The following LDLRAD4 variants were observed in gnomAD, a reference collection of about 807,000 sequenced individuals.
LDLRAD4 encodes low density lipoprotein receptor class A domain containing 4, also known as low-density lipoprotein receptor class A domain-containing protein 4.
LDLRAD4 carries 5 observed loss-of-function variants against 17.0 expected under a neutral mutation model. The ratio of observed to expected loss-of-function variants is 0.29; its 90% CI spans 0.15 to 0.62. The LOEUF is 0.62. Among genes scored for constraint, LDLRAD4 ranks in the 20% least tolerant of loss-of-function variants. The pLI, the probability that LDLRAD4 is intolerant of heterozygous loss-of-function variation, is 0.84. For missense variants in LDLRAD4, 340 were observed against 424.7 expected, an observed-to-expected ratio of 0.80 and a Z score of 1.75; for synonymous variants, 168 against 171.8, an observed-to-expected ratio of 0.98 and a Z score of 0.17.
chr18:13,554,830 C>T (rs1011132202), intron 3 of LDLRAD4, among the ~76,000 whole-genome samples: 3 of 152,096 alleles, frequency 2.0e-5, no homozygotes, highest in Admixed American at 6.5e-5. Flanking sequence ...TCCTGACATG[C>T]GGACTGTGCA....
chr18:13,227,645 G>A (rs1360626110), intron 1 of LDLRAD4, among the ~76,000 whole-genome samples: 1 of 152,216 alleles, frequency 6.6e-6, no homozygotes, highest in Non-Finnish European at 1.5e-5. Context: ...ACAGTTCCAC[G>A]TGGCTGAGGA....
chr18:13,312,632 C>T (rs889186061), intron 1 of LDLRAD4, among the ~76,000 whole-genome samples: 2 of 152,102 alleles, frequency 1.3e-5, no homozygotes, highest in African/African-American at 2.4e-5. Context: ...GTCCTAGCTA[C>T]TGAGGAGGCT....
At chr18:13,387,675 C>T (rs764309263) in exon 2 of LDLRAD4, 15 of 1,597,102 alleles carry the variant, frequency 9.4e-6, no homozygotes, top group East Asian at 2.2e-5. Flanking sequence ...GCGGCTTCCT[C>T]GACGGGACAG....
chr18:13,244,306 GCACCCATTCATC>G (rs2042849822), intron 1 of LDLRAD4, among the ~76,000 whole-genome samples: 1 of 148,236 alleles, frequency 6.7e-6, no homozygotes, highest in Non-Finnish European at 1.5e-5. Flanking sequence ...ATCCATTCAT[GCACCCATTCATC>G]CACCCATCCA....
Position 13,438,072 on chromosome 18 carries a change from G to T in LDLRAD4, c.41-172G>T, listed in dbSNP as rs116605347. 6.8e-3 allele frequency among the ~76,000 whole-genome samples: 1,037 copies of T among 152,310 alleles called. 11 individuals are homozygous for T. The highest frequency in any genetic ancestry group is 0.023 in the African/African-American group (976 of 41,560). On this transcript the variant is annotated intron_variant, in intron 2 of 5. Coordinates refer to ENST00000359446, the Ensembl canonical transcript of LDLRAD4. The stretch of plus-strand genomic sequence containing the variant: ...ATCCTGTGTGTTTCAGACGAGGAAG[G>T]TCCTTACCCAGATGGCCCTTCTCTG...
chr18:13,370,442 A>G (rs982144714), intron 1 of LDLRAD4, among the ~76,000 whole-genome samples: 1 of 152,156 alleles, frequency 6.6e-6, no homozygotes, highest in Non-Finnish European at 1.5e-5. Context: ...TAAAGACGTT[A>G]TTTAAATCTA....
At chr18:13,411,344 G>A (rs1337250014) in intron 2 of LDLRAD4, among the ~76,000 whole-genome samples, 2 of 151,902 alleles carry the variant, frequency 1.3e-5, no homozygotes, top group Non-Finnish European at 2.9e-5. Context: ...TAGTTTTGCC[G>A]TAAGTGCTTA....
At chr18:13,256,732 T>C (rs550392584) in intron 1 of LDLRAD4, among the ~76,000 whole-genome samples, 1 of 152,222 alleles carries the variant, frequency 6.6e-6, no homozygotes, top group African/African-American at 2.4e-5. Flanking sequence ...CCTGGTAAGC[T>C]GGTGTGTGTG....
chr18:13,629,356 GTGAGAC>G (rs1284159713), intron 4 of LDLRAD4, among the ~76,000 whole-genome samples: 1 of 152,206 alleles, frequency 6.6e-6, no homozygotes, highest in African/African-American at 2.4e-5. Context: ...GACTCAATTA[GTGAGAC>G]TGACGTCCGA....
intron 1 of LDLRAD4, among the ~76,000 whole-genome samples, chr18:13,332,065 G>A (rs2081890036): frequency 6.6e-6 from 1 of 152,202 alleles, no homozygotes; most frequent in African/African-American, 2.4e-5. Flanking sequence ...GCTCTTTGCA[G>A]GGGGTGGGTA....
chr18:13,408,521 A>G lies in LDLRAD4; in HGVS notation c.40+20759A>G, dbSNP rs374427891. Among the ~76,000 whole-genome samples, 14 of 151,780 alleles carry G rather than the reference A, an allele frequency of 9.2e-5. No homozygotes were observed. The East Asian group carries it at 2.5e-3, about 27-fold the overall frequency. On this transcript the variant is annotated intron_variant, in intron 2 of 5. Coordinates refer to ENST00000359446, the Ensembl canonical transcript of LDLRAD4. The stretch of plus-strand genomic sequence containing the variant: ...GAAGTTTTGTTCTGTCACCCAGGCT[A>G]GAGTGCAGTGGCGTGATATTGGCTC...
At chr18:13,399,182 G>A (rs2086949699) in intron 2 of LDLRAD4, among the ~76,000 whole-genome samples, 1 of 151,986 alleles carries the variant, frequency 6.6e-6, no homozygotes, top group Non-Finnish European at 1.5e-5. Context: ...GGGTGACAGA[G>A]TGAGACCTTG....
At chr18:13,510,329 CTT>C (rs1342913960) in intron 3 of LDLRAD4, among the ~76,000 whole-genome samples, 2 of 152,154 alleles carry the variant, frequency 1.3e-5, no homozygotes, top group African/African-American at 4.8e-5. Context: ...AGCTTGGAGA[CTT>C]TCTGCATGTC....
At chr18:13,298,692 T>C (rs115702413) in intron 1 of LDLRAD4, among the ~76,000 whole-genome samples, 1,988 of 151,848 alleles carry the variant, frequency 0.013, 47 homozygotes, top group African/African-American at 0.045. Flanking sequence ...ATGTTGCCGC[T>C]TTGGGCATGG....
At chr18:13,515,628 A>T (rs192101763) in intron 3 of LDLRAD4, 1 of 152,358 alleles carries the variant, frequency 6.6e-6, no homozygotes, top group Non-Finnish European at 1.5e-5. Context: ...TTTATGTTTC[A>T]TCATTTAACA....
At chr18:13,272,096 G>A (rs1375425725) in intron 1 of LDLRAD4, among the ~76,000 whole-genome samples, 2 of 151,922 alleles carry the variant, frequency 1.3e-5, no homozygotes, top group African/African-American at 2.4e-5. Flanking sequence ...GGGTTTCACC[G>A]TGTTAGCCAG....
At chr18:13,229,873 AG>A in intron 1 of LDLRAD4, among the ~76,000 whole-genome samples, 1 of 152,334 alleles carries the variant, frequency 6.6e-6, no homozygotes, top group South Asian at 2.1e-4. Context: ...AGGGAGACAG[AG>A]GAAGATGTGA....
At chr18:13,271,578 G>C (rs959500147) in intron 1 of LDLRAD4, among the ~76,000 whole-genome samples, 1 of 152,146 alleles carries the variant, frequency 6.6e-6, no homozygotes, top group Non-Finnish European at 1.5e-5. Context: ...TCTGACACAG[G>C]GCCTGGCATG....
In LDLRAD4 at chr18:13,364,650, T is replaced by C. The variant is rs188024351; in HGVS notation, c.-382-22691T>C. ...AGCTGCCACACCCAGCTCTATTATT[T>C]GATTTTTTTGTGTATGGAGGGGCCA... On this transcript the variant is annotated intron_variant, in intron 1 of 5. Coordinates refer to ENST00000359446, the Ensembl canonical transcript of LDLRAD4. 5.0e-3 allele frequency among the ~76,000 whole-genome samples: 765 copies of C among 152,354 alleles called. 6 individuals are homozygous for C. Among genetic ancestry groups the C allele is most frequent in the Non-Finnish European group, 9.6e-3 (651 of 68,018 alleles).
Sources: gnomAD v4.1 joint callset for allele counts (sites outside exome capture counted in the v4.1 genomes callset) on GRCh38, gnomAD v4.1.1 for gene constraint, MANE v1.5 for transcripts, NCBI Gene and HGNC (gene_info 2026-07-23, HGNC 2026-07-21) for gene names.